Variants in SGPP2 observed in about 807,000 individuals in gnomAD.
SGPP2 encodes the protein sphingosine 1-phosphate phosphohydrolase 2.
Under a neutral mutation model 33.9 loss-of-function variants are expected in SGPP2, and 30 were observed. That is an observed-to-expected ratio of 0.89 (90% CI 0.66 to 1.20). The LOEUF (loss-of-function observed/expected upper bound fraction) is 1.20, where lower values mean the gene tolerates loss of function less well. Ranked by LOEUF, SGPP2 falls within the 50% of genes most tolerant of loss-of-function variation. The pLI is 0.00. For synonymous variants in SGPP2, 233 were observed against 225.0 expected, an observed-to-expected ratio of 1.04 and a Z score of -0.32; for missense variants, 458 against 532.1, an observed-to-expected ratio of 0.86 and a Z score of 1.37.
intron 1 of SGPP2, among the ~76,000 whole-genome samples, chr2:222,430,659 T>G (rs1697140383): frequency 6.6e-6 from 1 of 152,218 alleles, no homozygotes; most frequent in South Asian, 2.1e-4. Context: ...GTGACTTCCT[T>G]CCAAAAAGTG....
intron 1 of SGPP2, among the ~76,000 whole-genome samples, chr2:222,463,547 T>A (rs1697697482): frequency 6.6e-6 from 1 of 152,148 alleles, no homozygotes; most frequent in Non-Finnish European, 1.5e-5. Flanking sequence ...TTTTAAAAAA[T>A]GAAAGAAATG....
At chr2:222,474,747 T>C (rs372582531) in intron 2 of SGPP2, 21 bp downstream of exon 2, 1 of 1,574,448 alleles carries the variant, frequency 6.4e-7, no homozygotes, top group Non-Finnish European at 8.7e-7. Flanking sequence ...TTACTACTCA[T>C]TAACTGATGC....
At chr2:222,430,099 TAC>T (rs1559141272) in intron 1 of SGPP2, among the ~76,000 whole-genome samples, 34 of 98,684 alleles carry the variant, frequency 3.4e-4, no homozygotes, top group Admixed American at 9.8e-4. Context: ...ATAAAAAAAA[TAC>T]TAGAATAGAA....
chr2:222,506,434 C>T (rs1210139036), intron 2 of SGPP2, among the ~76,000 whole-genome samples: 2 of 152,302 alleles, frequency 1.3e-5, no homozygotes, highest in Non-Finnish European at 2.9e-5. Flanking sequence ...TCTGTGATTG[C>T]CGCCATTTCA....
chr2:222,501,706 A>C (rs772865614), intron 2 of SGPP2, among the ~76,000 whole-genome samples: 1 of 152,214 alleles, frequency 6.6e-6, no homozygotes, highest in Non-Finnish European at 1.5e-5. Flanking sequence ...TAAGTCAAGA[A>C]TAGATACTCT....
rs1697726341 is a variant in SGPP2 at position 222,465,176 on chromosome 2, A to G, written c.220-9392A>G. On this transcript the variant is annotated intron_variant, in intron 1 of 4. Coordinates refer to ENST00000321276, the MANE Select transcript of SGPP2 (RefSeq NM_152386.4). This position sits in a 1 kb window ranked among gnomAD's most constrained non-coding sequence, Gnocchi z 4.1. ...AGTTCCCTCTCAAGCTGACTCCAAT[A>G]AGTTGTCCTTACATTTTATTGACTT... 6.6e-6 allele frequency among the ~76,000 whole-genome samples: 1 copy of G among 152,144 alleles called. No individual in the cohort carries two copies. Among genetic ancestry groups the G allele is most frequent in the African/African-American group, 2.4e-5 (1 of 41,426 alleles).
At chr2:222,499,145 C>T (rs1574862756) in intron 2 of SGPP2, among the ~76,000 whole-genome samples, 1 of 152,352 alleles carries the variant, frequency 6.6e-6, no homozygotes, top group East Asian at 1.9e-4. Context: ...CATTGCTGAA[C>T]CTCAGCCTTA....
Position 222,521,955 on chromosome 2 carries a change from G to C in SGPP2, c.558+9G>C, listed in dbSNP as rs1698693552. 3.3e-6 allele frequency: 5 copies of C among 1,497,856 alleles called. No individual in the cohort carries two copies. Among genetic ancestry groups the C allele is most frequent in the East Asian group, 5.1e-5 (2 of 39,426 alleles). 92.8% of individuals were successfully genotyped at this position (1,497,856 alleles called of 1,614,324 possible). On this transcript the variant is annotated intron_variant, in intron 3 of 4. Transcript: ENST00000321276. The stretch of plus-strand genomic sequence containing the variant: ...CTATGGACAGATACCAGGTAAGGTG[G>C]CCTGGTTCTTCTTCCTACCCACCTA...
At chr2:222,426,209 CAAAAAAAA>C (rs59881994) in intron 1 of SGPP2, among the ~76,000 whole-genome samples, 53 of 58,758 alleles carry the variant, frequency 9.0e-4, no homozygotes, top group African/African-American at 3.1e-3. Flanking sequence ...GACTCCGTCT[CAAAAAAAA>C]AAAAAAAAAA....
intron 2 of SGPP2, among the ~76,000 whole-genome samples, chr2:222,475,878 T>C (rs561617399): frequency 1.3e-5 from 2 of 152,318 alleles, no homozygotes; most frequent in African/African-American, 2.4e-5. Flanking sequence ...CTTCCTCATT[T>C]GTAAAATTGT....
In SGPP2 at chr2:222,474,756, G is replaced by A. The variant is rs757636752; in HGVS notation, c.378+30G>A. The A allele has an allele frequency of 3.9e-6, 6 of 1,544,964 alleles. No individual in the cohort carries two copies. The South Asian group carries it at 6.1e-5, about 16-fold the overall frequency. ...GTATTATTACTACTCATTAACTGATGCTACTTCTAAAACAACTACTTCCTT... is the reference window on the plus strand; with the variant it reads ...GTATTATTACTACTCATTAACTGATACTACTTCTAAAACAACTACTTCCTT... On this transcript the variant is annotated intron_variant, in intron 2 of 4. Transcript: ENST00000321276.
intron 4 of SGPP2, among the ~76,000 whole-genome samples, chr2:222,525,932 A>C (rs1042112815): frequency 8.5e-5 from 13 of 152,294 alleles, no homozygotes; most frequent in Middle Eastern, 3.4e-3. Flanking sequence ...GAAGCTGCAG[A>C]GCGAACAGAT....
At chr2:222,540,817 GTTTT>G (rs750932260) in intron 4 of SGPP2, among the ~76,000 whole-genome samples, 3 of 108,426 alleles carry the variant, frequency 2.8e-5, no homozygotes, top group Non-Finnish European at 5.4e-5. Flanking sequence ...CTTATAAACT[GTTTT>G]TTTTTTTTTT....
At chr2:222,513,570 A>G (rs532111799) in intron 2 of SGPP2, among the ~76,000 whole-genome samples, 30 of 152,284 alleles carry the variant, frequency 2.0e-4, no homozygotes, top group Admixed American at 5.2e-4. Context: ...TGTTTTGGGA[A>G]AAATGGTCCT....
At chr2:222,514,353 T>TA (rs1179632841) in intron 2 of SGPP2, among the ~76,000 whole-genome samples, 2 of 152,180 alleles carry the variant, frequency 1.3e-5, no homozygotes, top group East Asian at 1.9e-4. Context: ...ATTCTTTTTT[T>TA]AAAAAATGTT....
upstream of SGPP2, among the ~76,000 whole-genome samples, chr2:222,424,274 G>T: frequency 6.6e-6 from 1 of 151,124 alleles, no homozygotes. Context: ...AGGTGGGGTG[G>T]GGGGTTGGGG....
intron 2 of SGPP2, among the ~76,000 whole-genome samples, chr2:222,515,549 A>G (rs1439571851): frequency 6.6e-6 from 1 of 151,708 alleles, no homozygotes; most frequent in Non-Finnish European, 1.5e-5. Context: ...GGCTGGTCTC[A>G]AACTACCGAC....
intron 4 of SGPP2, among the ~76,000 whole-genome samples, chr2:222,525,749 A>T (rs1046284401): frequency 6.6e-6 from 1 of 152,202 alleles, no homozygotes; most frequent in African/African-American, 2.4e-5. Context: ...CTTTAAAAAG[A>T]AATGGGCCCT....
chr2:222,522,930 G>T (rs1193348290), intron 3 of SGPP2, among the ~76,000 whole-genome samples: 1 of 152,222 alleles, frequency 6.6e-6, no homozygotes, highest in Non-Finnish European at 1.5e-5. Flanking sequence ...CAATCTGCCT[G>T]CCTGGGCCTC....
Sources: gnomAD v4.1 joint callset for allele counts (sites outside exome capture counted in the v4.1 genomes callset) on GRCh38, gnomAD v4.1.1 for gene constraint, Gnocchi (gnomAD v3.1) non-coding constraint, MANE v1.5 for transcripts, NCBI Gene and HGNC (gene_info 2026-07-23, HGNC 2026-07-21) for gene names.